NEBL: variants seen among roughly 807,000 people sequenced by gnomAD.
NEBL encodes LIM and SH3 protein 2.
A neutral mutation model predicts 140.2 loss-of-function variants in NEBL; 122 were observed. That is an observed-to-expected ratio of 0.87 (90% confidence interval 0.75 to 1.01). The LOEUF is 1.01. Among genes scored for constraint, NEBL ranks in the 50% least tolerant of loss-of-function variants. The pLI is 0.00. For missense variants in NEBL, 1,365 were observed against 1,231.3 expected (o/e 1.11, Z -1.62); for synonymous variants, 436 against 398.9 (o/e 1.09, Z -1.11).
chr10:20,803,281 T>C (rs1250161536), intron 26 of NEBL, among the ~76,000 whole-genome samples: 3 of 152,148 alleles, frequency 2.0e-5, no homozygotes, highest in Admixed American at 6.6e-5. Flanking sequence ...TACAAAGAAA[T>C]GATAAATGTT....
At chr10:20,815,555 A>G in intron 22 of NEBL, 70 bp downstream of exon 22, 8 of 1,202,178 alleles carry the variant, frequency 6.7e-6, no homozygotes, top group Non-Finnish European at 9.9e-6. Context: ...TTCACAAGCA[A>G]AGGAGGACCG....
chr10:20,836,180 C>T (rs1311005020), intron 13 of NEBL, among the ~76,000 whole-genome samples: 2 of 151,470 alleles, frequency 1.3e-5, no homozygotes, highest in African/African-American at 4.9e-5. Context: ...CTCGGTGTCA[C>T]ATTTTGGTAA....
intron 2 of NEBL, chr10:21,028,922 A>G (rs1833655643): frequency 4.4e-6 from 2 of 459,132 alleles, no homozygotes; most frequent in South Asian, 7.7e-5. Context: ...ATATTTTTAA[A>G]TTCCACTAAA....
intron 5 of NEBL, among the ~76,000 whole-genome samples, chr10:20,876,720 A>G (rs1845535470): frequency 6.6e-6 from 1 of 152,162 alleles, no homozygotes; most frequent in African/African-American, 2.4e-5. Flanking sequence ...ATTACTTACA[A>G]AACTTAAAAT....
intron 2 of NEBL, among the ~76,000 whole-genome samples, chr10:21,090,586 G>T (rs1445961054): frequency 1.3e-5 from 2 of 152,088 alleles, no homozygotes; most frequent in African/African-American, 2.4e-5. Flanking sequence ...TCAATTATAA[G>T]AATATATTTA....
chr10:21,211,984 C>T lies in NEBL; in HGVS notation n.348+35937G>A, dbSNP rs571750623. ...GTAAATACATTTCAGGGTTTTAAAT[C>T]ACTCAATTCTCTCTCTCTCTTCAGA... On this transcript the variant is annotated intron_variant and non_coding_transcript_variant, in intron 3 of 8. Transcript: ENST00000675702. Among the ~76,000 whole-genome samples the T allele has an allele frequency of 3.0e-4, 45 of 150,132 alleles. 3 individuals are homozygous for T. The highest frequency in any genetic ancestry group is 1.1e-3 in the African/African-American group (44 of 40,898).
chr10:21,240,574 G>T (rs113620951), intron 3 of NEBL, among the ~76,000 whole-genome samples: 32 of 152,050 alleles, frequency 2.1e-4, no homozygotes, highest in African/African-American at 6.3e-4. Context: ...ACCCAAAATC[G>T]CGCTACTGCA....
intron 2 of NEBL, among the ~76,000 whole-genome samples, chr10:21,163,255 G>T (rs1840629914): frequency 6.6e-6 from 1 of 152,186 alleles, no homozygotes; most frequent in African/African-American, 2.4e-5. Context: ...TTGAGCAAGA[G>T]AGTAGTATAC....
chr10:21,258,109 T>C (rs1842685676), intron 1 of NEBL, among the ~76,000 whole-genome samples: 1 of 151,752 alleles, frequency 6.6e-6, no homozygotes, highest in South Asian at 2.1e-4. Flanking sequence ...GAAATGACAA[T>C]ACAAGAAAGC....
At position 21,239,812 on chromosome 10, in the gene NEBL, C is replaced by G. The variant is rs958903821; in HGVS notation, n.348+8109G>C. ...TGGGCGGATTACAAGGTCAGGAGAT[C>G]AAGACCATCCTAGCTAACATGGTGA... On this transcript the variant is annotated intron_variant and non_coding_transcript_variant, in intron 3 of 8. Coordinates refer to the NEBL transcript ENST00000675702. Among the ~76,000 whole-genome samples, 6 of 151,916 alleles carry G rather than the reference C, an allele frequency of 3.9e-5. No individual in the cohort carries two copies. The East Asian group carries it at 9.7e-4, about 25-fold the overall frequency.
intron 11 of NEBL, among the ~76,000 whole-genome samples, chr10:20,845,752 A>G (rs1176963782): frequency 6.6e-6 from 1 of 152,154 alleles, no homozygotes; most frequent in African/African-American, 2.4e-5. Flanking sequence ...CACGGAAGCC[A>G]TTCAAACCAC....
Position 20,851,213 on chromosome 10 carries a change from GA to G in NEBL, c.1009-712del, listed in dbSNP as rs776682898. Among the ~76,000 whole-genome samples the G allele has an allele frequency of 9.1e-4, 139 of 152,124 alleles. 1 individual carries two copies. Among genetic ancestry groups the G allele is most frequent in the Non-Finnish European group, 1.8e-3 (119 of 67,978 alleles). On this transcript the variant is annotated intron_variant, in intron 10 of 27. Coordinates refer to ENST00000377122, the MANE Select transcript of NEBL (RefSeq NM_006393.3). ...TATACTGTTTAAAATTAAACTCATA[GA>G]AGTTTTTATACTTCATTTCATTCAG...
intron 3 of NEBL, among the ~76,000 whole-genome samples, chr10:21,018,817 C>G (rs1242382406): frequency 6.6e-6 from 1 of 152,166 alleles, no homozygotes; most frequent in Non-Finnish European, 1.5e-5. Flanking sequence ...ATCACAAAGT[C>G]AGGAGTTCAA....
chr10:20,918,647 G>C (rs959574878), intron 4 of NEBL, among the ~76,000 whole-genome samples: 5 of 151,708 alleles, frequency 3.3e-5, no homozygotes, highest in Non-Finnish European at 5.9e-5. Flanking sequence ...AGGAGATCGA[G>C]ACCATCCTGG....
intron 2 of NEBL, among the ~76,000 whole-genome samples, chr10:21,046,331 A>C (rs1589170220): frequency 6.6e-6 from 1 of 152,200 alleles, no homozygotes; most frequent in Non-Finnish European, 1.5e-5. Flanking sequence ...AGTTAATAAC[A>C]ATGTATTTTA....
At chr10:20,903,414 G>A (rs576458931) in intron 4 of NEBL, among the ~76,000 whole-genome samples, 12 of 152,264 alleles carry the variant, frequency 7.9e-5, no homozygotes, top group African/African-American at 2.6e-4. Context: ...TACACTGCTG[G>A]TGGGAATGTA....
intron 2 of NEBL, among the ~76,000 whole-genome samples, chr10:21,123,605 C>A (rs1414441691): frequency 6.6e-6 from 1 of 152,014 alleles, no homozygotes; most frequent in Non-Finnish European, 1.5e-5. Context: ...TTCTTCTCCC[C>A]ACCTGGCTCC....
At chr10:21,227,633 G>A (rs1022054065) in intron 3 of NEBL, among the ~76,000 whole-genome samples, 52 of 150,350 alleles carry the variant, frequency 3.5e-4, no homozygotes, top group South Asian at 1.0e-3. Context: ...TGCACTAAGG[G>A]AATTCAAAAG....
At chr10:20,996,631 C>A (rs1837678997) in intron 3 of NEBL, among the ~76,000 whole-genome samples, 1 of 152,146 alleles carries the variant, frequency 6.6e-6, no homozygotes, top group African/African-American at 2.4e-5. Context: ...TGTTCCAAAA[C>A]CCTCACTCTT....
Sources: allele counts gnomAD v4.1 joint callset (sites outside exome capture counted in the v4.1 genomes callset), GRCh38; gene constraint gnomAD v4.1.1; transcripts MANE v1.5; gene names NCBI Gene and HGNC (gene_info 2026-07-23, HGNC 2026-07-21).